The following MARK2 variants were observed in gnomAD, a reference collection of about 807,000 sequenced individuals.
MARK2 encodes the protein serine/threonine-protein kinase MARK2.
Under a neutral mutation model 89.8 loss-of-function variants are expected in MARK2, and 16 were observed. The ratio of observed to expected loss-of-function variants is 0.18; its 90% CI spans 0.12 to 0.27. The LOEUF is 0.27. Among genes scored for constraint, MARK2 ranks in the 10% least tolerant of loss-of-function variants. The pLI is 1.00. For synonymous variants in MARK2, 382 were observed against 399.5 expected (o/e 0.96, Z 0.52); for missense variants, 621 against 1,049.9 (o/e 0.59, Z 5.65).
rs574284679 is a variant in MARK2 at position 63,902,810 on chromosome 11, C to T, written c.1416+28C>T. 54 of 1,583,460 alleles carry T rather than the reference C, an allele frequency of 3.4e-5. No individual in the cohort carries two copies. In the South Asian group the frequency reaches 5.5e-4, roughly 16 times the overall value. ...GAGCCGCACCCCCCGCTCTCTCCTT[C>T]CTTCCTGCGGTGGGGCCTGCCCTCT... On this transcript the variant is annotated intron_variant, in intron 13 of 18. Coordinates refer to ENST00000402010, the MANE Select transcript of MARK2 (RefSeq NM_001039469.3). This position sits in a 1 kb window ranked among gnomAD's most constrained non-coding sequence, Gnocchi z 4.2.
chr11:63,909,306 A>G lies in MARK2; in HGVS notation c.*69A>G, dbSNP rs1941599761. ...GGGCTGCCGGCCGCTGCGCCGCCCC[A>G]CCTGGGCGAGACTGCAGCGATGGAT... is the stretch of plus-strand genomic sequence containing the variant. On this transcript the variant is annotated 3_prime_UTR_variant, in exon 19 of 19. Transcript: ENST00000402010. 4 of 1,452,100 alleles carry G rather than the reference A, an allele frequency of 2.8e-6. No homozygotes were observed. Among genetic ancestry groups the G allele is most frequent in the East Asian group, 2.4e-5 (1 of 41,226 alleles). 90.0% of individuals were successfully genotyped at this position (1,452,100 alleles called of 1,614,324 possible). A position where few individuals can be genotyped will look rare whatever the true frequency, so the allele number is the denominator to read the frequency against.
At chr11:63,850,162 T>G (rs10751002) in intron 1 of MARK2, 73,866 of 151,588 alleles carry the variant, frequency 0.49, 20,036 homozygotes, top group East Asian at 0.88. Context: ...TTGTTTGTTT[T>G]TTTGAGATGG....
intron 1 of MARK2, among the ~76,000 whole-genome samples, chr11:63,854,378 GTT>G (rs61469139): frequency 4.6e-5 from 5 of 108,798 alleles, no homozygotes; most frequent in Non-Finnish European, 7.7e-5. Context: ...TTTTCTATTT[GTT>G]TTTTTTTTTT....
Sources: gnomAD v4.1 joint callset for allele counts (sites outside exome capture counted in the v4.1 genomes callset) on GRCh38, gnomAD v4.1.1 for gene constraint, Gnocchi (gnomAD v3.1) non-coding constraint, MANE v1.5 for transcripts, NCBI Gene and HGNC (gene_info 2026-07-23, HGNC 2026-07-21) for gene names.